The following LPIN1 variants were observed in gnomAD, a reference collection of about 807,000 sequenced individuals.
The protein encoded by LPIN1 is phosphatidate phosphatase LPIN1.
A neutral mutation model predicts 107.5 loss-of-function variants in LPIN1; 71 were observed. That is an observed-to-expected ratio of 0.66 (90% CI 0.55 to 0.80). LPIN1 has a LOEUF of 0.80. LPIN1 is among the 30% of genes least tolerant of loss of function. The pLI, the probability that LPIN1 is intolerant of heterozygous loss-of-function variation, is 0.00. For missense variants in LPIN1, 1,043 were observed against 1,160.6 expected (o/e 0.90, Z 1.47); for synonymous variants, 445 against 452.6 (o/e 0.98, Z 0.21).
chr2:11,713,847 CT>C, intron 2 of LPIN1: 2 of 1,411,132 alleles, frequency 1.4e-6, no homozygotes, highest in Non-Finnish European at 1.9e-6. Flanking sequence ...CGTTGTTATG[CT>C]TTTACATTTT....
intron 1 of LPIN1, among the ~76,000 whole-genome samples, chr2:11,685,518 A>T (rs959521031): frequency 6.6e-6 from 1 of 152,254 alleles, no homozygotes; most frequent in Non-Finnish European, 1.5e-5. Context: ...TAAACTCTTT[A>T]GAATTTTATT....
intron 20 of LPIN1, among the ~76,000 whole-genome samples, chr2:11,822,473 A>G (rs1363202346): frequency 6.6e-6 from 1 of 151,620 alleles, no homozygotes; most frequent in Non-Finnish European, 1.5e-5. Context: ...TAAAAAAAAA[A>G]GGGGAGACCT....
At chr2:11,710,864 A>G (rs1225965771) in intron 1 of LPIN1, among the ~76,000 whole-genome samples, 1 of 152,060 alleles carries the variant, frequency 6.6e-6, no homozygotes, top group Non-Finnish European at 1.5e-5. Context: ...AATTACAACA[A>G]ATAGTTGTGG....
chr2:11,718,953 T>A (rs1408108202), intron 2 of LPIN1, among the ~76,000 whole-genome samples: 2 of 152,224 alleles, frequency 1.3e-5, no homozygotes, highest in Non-Finnish European at 2.9e-5. Flanking sequence ...ATCTCTTTTA[T>A]CTTCTATTGC....
chr2:11,724,620 G>C lies in LPIN1; in HGVS notation c.-72+81G>C. ...ACAATGTGCCTTCTGATGGGGAGAT[G>C]AGACTTTCCTCTGAAAGCTAAGGTA... On this transcript the variant is annotated intron_variant, in intron 1 of 21. Transcript: ENST00000396097. The C allele has an allele frequency of 3.0e-6, 3 of 985,518 alleles. No homozygotes were observed. In the South Asian group the frequency reaches 1.4e-4, roughly 46 times the overall value. The allele number at this position is 985,518 out of a possible 1,614,324, so 61.0% of individuals were successfully genotyped here. A position where few individuals can be genotyped will look rare whatever the true frequency, so the allele number is the denominator to read the frequency against.
intron 6 of LPIN1, among the ~76,000 whole-genome samples, 200 bp from the exon 7 acceptor site, chr2:11,779,319 C>A (rs941761454): frequency 2.5e-4 from 38 of 152,164 alleles, no homozygotes; most frequent in Admixed American, 3.9e-4. Context: ...GTGGGGCGGG[C>A]GACCCACGTG....
At chr2:11,708,197 C>G (rs1284110123) in intron 1 of LPIN1, among the ~76,000 whole-genome samples, 1 of 152,188 alleles carries the variant, frequency 6.6e-6, no homozygotes, top group Admixed American at 6.5e-5. Flanking sequence ...TGTTGGCCCC[C>G]CGACAGCTGG....
At chr2:11,735,076 G>A (rs1276292770) in intron 1 of LPIN1, among the ~76,000 whole-genome samples, 2 of 152,110 alleles carry the variant, frequency 1.3e-5, no homozygotes, top group African/African-American at 4.8e-5. Context: ...CAGATTACCT[G>A]AGGTCAGGAG....
At chr2:11,700,975 C>T (rs12052681) in intron 1 of LPIN1, among the ~76,000 whole-genome samples, 63,587 of 152,034 alleles carry the variant, frequency 0.42, 14,804 homozygotes, top group South Asian at 0.56. Flanking sequence ...CAGCTCTTCT[C>T]CTGAATCGCA....
At chr2:11,688,874 C>T (rs1406534042) in intron 1 of LPIN1, among the ~76,000 whole-genome samples, 1 of 152,114 alleles carries the variant, frequency 6.6e-6, no homozygotes, top group African/African-American at 2.4e-5. Context: ...TATTAATAGC[C>T]ATTTGATAGG....
In LPIN1 at chr2:11,783,526, C is replaced by T. The variant is rs4129756; in HGVS notation, c.1265-303C>T. 7.2e-3 allele frequency among the ~76,000 whole-genome samples: 1,102 copies of T among 152,234 alleles called. 42 individuals carry two copies. The highest frequency in any genetic ancestry group is 0.051 in the Admixed American group (778 of 15,296). On this transcript the variant is annotated intron_variant, in intron 8 of 20. Transcript: ENST00000674199. Reference sequence around the variant, plus strand: ...GGCTGTGGCCTCCAGCGAGGGGCCTCGGTACCTACAAGTGTGACCTCAATC... The same window carrying T: ...GGCTGTGGCCTCCAGCGAGGGGCCTTGGTACCTACAAGTGTGACCTCAATC...
chr2:11,759,190 T>C (rs557501122), intron 1 of LPIN1, among the ~76,000 whole-genome samples: 20 of 122,942 alleles, frequency 1.6e-4, no homozygotes, highest in Admixed American at 4.0e-4. Context: ...TCTTTCTTTC[T>C]TTTCTTTCTT....
At chr2:11,678,686 G>A (rs1437092467) in intron 1 of LPIN1, among the ~76,000 whole-genome samples, 1 of 152,230 alleles carries the variant, frequency 6.6e-6, no homozygotes, top group Non-Finnish European at 1.5e-5. Flanking sequence ...AGGGACAAGA[G>A]GTCCTTCTGG....
intron 12 of LPIN1, among the ~76,000 whole-genome samples, chr2:11,789,719 G>A (rs567645861): frequency 2.6e-5 from 4 of 151,252 alleles, no homozygotes; most frequent in Non-Finnish European, 3.0e-5. Flanking sequence ...TCCATGGCCT[G>A]GGACACATTT....
At chr2:11,690,948 GATA>G (rs1662238079) in intron 1 of LPIN1, among the ~76,000 whole-genome samples, 1 of 151,978 alleles carries the variant, frequency 6.6e-6, no homozygotes, top group African/African-American at 2.4e-5. Flanking sequence ...TCAATAACCT[GATA>G]ATGACTGTTA....
At chr2:11,710,449 T>C (rs953610192) in intron 1 of LPIN1, among the ~76,000 whole-genome samples, 1 of 150,822 alleles carries the variant, frequency 6.6e-6, no homozygotes, top group Non-Finnish European at 1.5e-5. Flanking sequence ...TGGCAGCCAA[T>C]GCACTGAACA....
At chr2:11,687,114 C>T (rs941509173) in intron 1 of LPIN1, among the ~76,000 whole-genome samples, 4 of 150,948 alleles carry the variant, frequency 2.6e-5, no homozygotes, top group Non-Finnish European at 4.4e-5. Flanking sequence ...CCTCCCACCT[C>T]AGCCTCTTAA....
chr2:11,709,841 A>G (rs1193342859), intron 1 of LPIN1, among the ~76,000 whole-genome samples: 1 of 152,230 alleles, frequency 6.6e-6, no homozygotes, highest in Non-Finnish European at 1.5e-5. Context: ...ATGTTGCACC[A>G]TCAATGAAAC....
intron 2 of LPIN1, among the ~76,000 whole-genome samples, chr2:11,715,387 G>A (rs11683719): frequency 0.073 from 11,082 of 152,262 alleles, 551 homozygotes; most frequent in Middle Eastern, 0.15. Flanking sequence ...GACGGGAGGC[G>A]CCAAGCAGGA....
Sources: gnomAD v4.1 joint callset for allele counts (sites outside exome capture counted in the v4.1 genomes callset) on GRCh38, gnomAD v4.1.1 for gene constraint, MANE v1.5 for transcripts, NCBI Gene and HGNC (gene_info 2026-07-23, HGNC 2026-07-21) for gene names.